NALF2: variants seen among roughly 807,000 people sequenced by gnomAD.
NALF2 encodes the protein bB57D9.1 (TED protein).
A neutral mutation model predicts 24.8 loss-of-function variants in NALF2; 1 was observed. The observed-to-expected ratio is 0.04, with a 90% CI of 0.01 to 0.19. The LOEUF (loss-of-function observed/expected upper bound fraction) is 0.19, where lower values mean the gene tolerates loss of function less well. Among genes scored for constraint, NALF2 ranks in the 10% least tolerant of loss-of-function variants. The probability of loss-of-function intolerance (pLI) is 1.00; values close to 1 mark genes in which losing one functional copy is unlikely to be tolerated. For missense variants in NALF2, 458 were observed against 409.6 expected (o/e 1.12, Z -1.02); for synonymous variants, 254 against 189.8 (o/e 1.34, Z -2.78).
chrX:69,526,525 G>A (rs779208162), intron 1 of NALF2, among the ~76,000 whole-genome samples: 3 of 112,136 alleles, frequency 2.7e-5, no homozygotes, highest in Non-Finnish European at 3.8e-5. Context: ...ATATTGTGCC[G>A]AGTATACAAC....
rs1220841978 is a variant in NALF2, at chrX:69,529,745, C to T, written c.1208C>T (p.Pro403Leu). ...HYHQQYHHYH[P>L]HHDPPGRVSN... ...CACCAACAGTACCATCACTACCACC[C>T]CCATCATGATCCCCCAGGCCGTGTC... Residue 403 changes from proline (P) to leucine (L), a missense_variant, in exon 3 of 3, where the codon CCC (proline) becomes CTC (leucine). Pro to Leu is a moderately conservative substitution (Grantham distance 98, BLOSUM62 -3). Coordinates refer to ENST00000252338, the MANE Select transcript of NALF2 (RefSeq NM_015686.3). The T allele has an allele frequency of 8.3e-7, 1 of 1,211,041 alleles. No homozygotes were observed.
intron 1 of NALF2, among the ~76,000 whole-genome samples, chrX:69,513,743 G>A (rs750517596): frequency 5.4e-4 from 59 of 109,464 alleles, no homozygotes; most frequent in Non-Finnish European, 9.1e-4. Flanking sequence ...TTTTTTTCCC[G>A]TGGTAAAATG....
Position 69,506,050 on chromosome X carries a change from C to A in NALF2, c.768C>A (p.His256Gln). The A allele has an allele frequency of 8.3e-7, 1 of 1,209,948 alleles. No homozygotes were observed. The highest frequency in any genetic ancestry group is 1.1e-6 in the Non-Finnish European group (1 of 894,595). The change falls in exon 1 of 3, where the codon CAC becomes CAA. Residue 256 changes from histidine to glutamine, a missense_variant. Physicochemically the swap from His to Gln is conservative, Grantham distance 24 (BLOSUM62 0). Coordinates refer to ENST00000252338, the MANE Select transcript of NALF2 (RefSeq NM_015686.3). ...CIEAYQRLDR[H>Q]AQEKYDEFDL... ...AGGCGTACCAGCGGCTGGACCGACACGCTCAGGAAAAATATGACGAGTTCG... is the reference window on the plus strand; with the variant it reads ...AGGCGTACCAGCGGCTGGACCGACAAGCTCAGGAAAAATATGACGAGTTCG...
At chrX:69,513,396 C>A (rs1358317505) in intron 1 of NALF2, among the ~76,000 whole-genome samples, 1 of 112,402 alleles carries the variant, frequency 8.9e-6, no homozygotes, top group African/African-American at 3.2e-5. Flanking sequence ...TGGTGAGCCC[C>A]TAAACTTGAA....
chrX:69,514,235 G>A (rs935233783), intron 1 of NALF2, among the ~76,000 whole-genome samples: 3 of 108,962 alleles, frequency 2.8e-5, no homozygotes, highest in Non-Finnish European at 5.7e-5. Flanking sequence ...CCTCCTTCCA[G>A]CCCCTGGTAA....
rs746403054 is a variant in NALF2 at position 69,505,518 on chromosome X, G to A, written c.236G>A (p.Arg79Gln). The change falls in exon 1 of 3, where the codon CGG (arginine) becomes CAG (glutamine). Residue 79 changes from arginine (R) to glutamine (Q), a missense_variant. Transcript: ENST00000252338. ...GCCAGGGAGCTGAGCAGCGCCATGC[G>A]GCCCCCATGGGGGGCCGGCCGGGAG... ...PRARELSSAM[R>Q]PPWGAGRERQ... is the part of the protein sequence containing the mutation. The A allele has an allele frequency of 2.9e-4, 288 of 982,465 alleles. No individual in the cohort carries two copies. In the African/African-American group the frequency reaches 5.3e-3, roughly 18 times the overall value. 81.0% of individuals were successfully genotyped at this position (982,465 alleles called of 1,213,427 possible). A position where few individuals can be genotyped will look rare whatever the true frequency, so the allele number is the denominator to read the frequency against.
At position 69,531,185 on chromosome X, in the gene NALF2, C is replaced by A. The variant is rs1346571672; in HGVS notation, c.*1229C>A. The A allele has an allele frequency of 8.9e-6, 1 of 112,877 alleles. No homozygotes were observed. Among genetic ancestry groups the A allele is most frequent in the Non-Finnish European group, 1.9e-5 (1 of 53,300 alleles). 9.3% of individuals were successfully genotyped at this position (112,877 alleles called of 1,213,427 possible). ...ATGGGTTACTGTCCCAATTGCGAAA[C>A]ACCCATACTCCTCTTCACCCTGTAG... On this transcript the variant is annotated 3_prime_UTR_variant, in exon 3 of 3. Transcript: ENST00000252338.
chrX:69,513,428 T>C (rs1044418747), intron 1 of NALF2, among the ~76,000 whole-genome samples: 2 of 112,132 alleles, frequency 1.8e-5, no homozygotes, highest in Non-Finnish European at 3.8e-5. Context: ...TTCTTGGGGA[T>C]TGAAGGAAGT....
intron 1 of NALF2, among the ~76,000 whole-genome samples, chrX:69,527,052 G>A (rs1225683729): frequency 9.0e-6 from 1 of 111,494 alleles, no homozygotes; most frequent in East Asian, 2.8e-4. Context: ...ATGGGAGACT[G>A]TCATCCAGGT....
intron 1 of NALF2, among the ~76,000 whole-genome samples, chrX:69,511,696 C>T (rs2147711184): frequency 9.0e-6 from 1 of 111,359 alleles, no homozygotes; most frequent in East Asian, 2.8e-4. Context: ...CAGCCTCCCA[C>T]CCAATACCAT....
chrX:69,529,599 G>A lies in NALF2; in HGVS notation c.1062G>A (p.Leu354=), dbSNP rs763104216. The change falls in exon 3 of 3, where the codon CTG becomes CTA. Residue 354 remains leucine (L), a synonymous_variant. Transcript: ENST00000252338. ...TGCTGGATACTTCACCAAAGCGTCT[G>A]GAAACCAAGTGCTGTGACGTGCAGT... ...TGLLDTSPKR[L]ETKCCDVQWV... is the part of the protein sequence containing the mutation. The A allele has an allele frequency of 8.3e-7, 1 of 1,210,406 alleles. No homozygotes were observed. The highest frequency in any genetic ancestry group is 3.0e-5 in the East Asian group (1 of 33,805).
intron 1 of NALF2, among the ~76,000 whole-genome samples, chrX:69,510,087 G>T (rs755024947): frequency 1.8e-5 from 2 of 112,525 alleles, no homozygotes; most frequent in Admixed American, 1.9e-4. Context: ...GAAGTGTCTG[G>T]CCCGATACAG....
chrX:69,504,379 C>A lies in NALF2; in HGVS notation c.-904C>A, dbSNP rs1930410071. 8.8e-6 allele frequency among the ~76,000 whole-genome samples: 1 copy of A among 113,123 alleles called. No homozygotes were observed. Among genetic ancestry groups the A allele is most frequent in the South Asian group, 3.6e-4 (1 of 2,793 alleles). On this transcript the variant is annotated 5_prime_UTR_variant, in exon 1 of 3. Coordinates refer to ENST00000252338, the MANE Select transcript of NALF2 (RefSeq NM_015686.3). ...CCTCTTTCTCCGCCCTGCTCCCCGCCAAACACACTTGCACAGGGGCTCTCA... is the reference window on the plus strand; with the variant it reads ...CCTCTTTCTCCGCCCTGCTCCCCGCAAAACACACTTGCACAGGGGCTCTCA...
At chrX:69,528,309 G>C (rs1430858125) in intron 1 of NALF2, among the ~76,000 whole-genome samples, 1 of 112,090 alleles carries the variant, frequency 8.9e-6, no homozygotes, top group East Asian at 2.8e-4. Context: ...ACGTAGCAGT[G>C]TGTTTGATGT....
chrX:69,524,846 G>A (rs2147716771), intron 1 of NALF2, among the ~76,000 whole-genome samples: 2 of 111,753 alleles, frequency 1.8e-5, no homozygotes, highest in African/African-American at 6.5e-5. Flanking sequence ...CCGGCTGTGG[G>A]GCTGAGGAAT....
At chrX:69,528,164 G>A (rs1220557450) in intron 1 of NALF2, among the ~76,000 whole-genome samples, 1 of 111,510 alleles carries the variant, frequency 9.0e-6, no homozygotes, top group African/African-American at 3.3e-5. Flanking sequence ...AGAAACCCTG[G>A]GCTTGATGAT....
intron 1 of NALF2, among the ~76,000 whole-genome samples, chrX:69,510,397 C>T (rs955128162): frequency 4.4e-5 from 5 of 112,409 alleles, no homozygotes; most frequent in Non-Finnish European, 7.5e-5. Context: ...GCCTTCCTCT[C>T]TCCTCCCACC....
chrX:69,505,135 C>CGG lies in NALF2; in HGVS notation c.-147_-146insGG, dbSNP rs1930436393. On this transcript the variant is annotated 5_prime_UTR_variant, in exon 1 of 3. Transcript: ENST00000252338. ...CGCGACTCCGGCCTGAGCGGGGCAT[C>CGG]GCGCCGGCCGGCCTGCCTCACCATG... 2.2e-6 allele frequency: 1 copy of CGG among 454,453 alleles called. No individual in the cohort carries two copies. The highest frequency in any genetic ancestry group is 6.5e-5 in the South Asian group (1 of 15,453). 37.5% of individuals were successfully genotyped at this position (454,453 alleles called of 1,213,427 possible).
rs1930908134 is a variant in NALF2 at position 69,531,782 on chromosome X, C to T, written c.*1826C>T. ...CCTACCCCTGTGCCCTGCCTACACA[C>T]TCCCGTTTGGCCCTCAGCACTTTGG... On this transcript the variant is annotated 3_prime_UTR_variant, in exon 3 of 3. Coordinates refer to ENST00000252338, the MANE Select transcript of NALF2 (RefSeq NM_015686.3). The T allele has an allele frequency of 8.9e-6, 1 of 111,983 alleles. No individual in the cohort carries two copies. Among genetic ancestry groups the T allele is most frequent in the African/African-American group, 3.3e-5 (1 of 30,602 alleles). The allele number at this position is 111,983 out of a possible 1,213,427, so 9.2% of individuals were successfully genotyped here. A position where few individuals can be genotyped will look rare whatever the true frequency, so the allele number is the denominator to read the frequency against.
Sources: allele counts gnomAD v4.1 joint callset (sites outside exome capture counted in the v4.1 genomes callset), GRCh38; gene constraint gnomAD v4.1.1; transcripts MANE v1.5; gene names NCBI Gene and HGNC (gene_info 2026-07-23, HGNC 2026-07-21).